Variants in ZHX3 observed in about 807,000 individuals in gnomAD.
ZHX3 encodes zinc fingers and homeoboxes protein 3.
A neutral mutation model predicts 64.5 loss-of-function variants in ZHX3; 20 were observed. The observed-to-expected ratio is 0.31, with a 90% CI of 0.22 to 0.45. ZHX3 has a LOEUF of 0.45. Ranked by LOEUF, ZHX3 falls within the 20% of genes least tolerant of loss-of-function variation. The pLI, the probability that ZHX3 is intolerant of heterozygous loss-of-function variation, is 1.00. For missense variants in ZHX3, 1,041 were observed against 1,195.8 expected, an observed-to-expected ratio of 0.87 and a Z score of 1.91; for synonymous variants, 423 against 461.6, an observed-to-expected ratio of 0.92 and a Z score of 1.07.
intron 2 of ZHX3, among the ~76,000 whole-genome samples, chr20:41,211,660 A>T (rs901976012): frequency 6.6e-6 from 1 of 152,208 alleles, no homozygotes; most frequent in African/African-American, 2.4e-5. Flanking sequence ...AAGCTTCATA[A>T]GTTTAACATT....
At chr20:41,281,993 G>C (rs2043701303) in intron 1 of ZHX3, among the ~76,000 whole-genome samples, 2 of 152,182 alleles carry the variant, frequency 1.3e-5, no homozygotes, top group South Asian at 4.1e-4. Flanking sequence ...GATTCCCTAT[G>C]TGTTACAGGT....
At chr20:41,265,271 TG>T (rs1268810007) in intron 2 of ZHX3, among the ~76,000 whole-genome samples, 1 of 151,878 alleles carries the variant, frequency 6.6e-6, no homozygotes, top group East Asian at 1.9e-4. Context: ...GATACAATCT[TG>T]GCTCACCGCA....
chr20:41,310,494 A>G (rs921261636), intron 1 of ZHX3, among the ~76,000 whole-genome samples: 2 of 152,196 alleles, frequency 1.3e-5, no homozygotes, highest in Admixed American at 1.3e-4. Flanking sequence ...TGTCAAGCCC[A>G]TTATGCTTAA....
chr20:41,257,326 T>C (rs996214106), intron 2 of ZHX3, among the ~76,000 whole-genome samples: 36 of 152,202 alleles, frequency 2.4e-4, no homozygotes, highest in African/African-American at 8.7e-4. Context: ...TCTGCTATCA[T>C]AGCCTCATAA....
At chr20:41,225,119 C>G (rs1379598606) in intron 2 of ZHX3, among the ~76,000 whole-genome samples, 1 of 152,230 alleles carries the variant, frequency 6.6e-6, no homozygotes, top group Non-Finnish European at 1.5e-5. Flanking sequence ...AGACAGAGCC[C>G]TAACACTGTG....
chr20:41,214,329 A>G (rs1160892838), intron 2 of ZHX3, among the ~76,000 whole-genome samples: 1 of 152,162 alleles, frequency 6.6e-6, no homozygotes, highest in Non-Finnish European at 1.5e-5. Flanking sequence ...AATTATTCTC[A>G]TTTTACAGAC....
chr20:41,247,260 C>T (rs375881328), intron 2 of ZHX3, among the ~76,000 whole-genome samples: 1 of 152,048 alleles, frequency 6.6e-6, no homozygotes, highest in African/African-American at 2.4e-5. Context: ...AGAGGGAGAA[C>T]CTGTTTCAAA....
At position 41,201,958 on chromosome 20, in the gene ZHX3, A is replaced by G; in HGVS notation, c.2860+99T>C. ...TAATGCTGCTGCCAGGCAGCCTTAG[A>G]GACAGCAGATGCCCCTGTGCAGTAA... On this transcript the variant is annotated intron_variant, in intron 3 of 3. Transcript: ENST00000683867. This position sits in a 1 kb window ranked among gnomAD's most constrained non-coding sequence, Gnocchi z 5.0. 1 of 1,414,440 alleles carries G rather than the reference A, an allele frequency of 7.1e-7. No homozygotes were observed. The highest frequency in any genetic ancestry group is 1.5e-5 in the South Asian group (1 of 66,666). The allele number at this position is 1,414,440 out of a possible 1,614,324, so 87.6% of individuals were successfully genotyped here.
intron 2 of ZHX3, among the ~76,000 whole-genome samples, chr20:41,237,382 G>C (rs1003529476): frequency 5.3e-5 from 8 of 152,180 alleles, no homozygotes; most frequent in African/African-American, 1.9e-4. Flanking sequence ...AACAAAGATA[G>C]ACTGGATTAA....
At chr20:41,266,052 G>A (rs149417508) in intron 2 of ZHX3, among the ~76,000 whole-genome samples, 82 of 152,318 alleles carry the variant, frequency 5.4e-4, no homozygotes, top group Middle Eastern at 6.8e-3. Flanking sequence ...GGATTTCATA[G>A]AGGCCGAGGT....
chr20:41,204,995 G>A lies in ZHX3; in HGVS notation c.-79C>T. 7.0e-7 allele frequency: 1 copy of A among 1,423,684 alleles called. No individual in the cohort carries two copies. Among genetic ancestry groups the A allele is most frequent in the Non-Finnish European group, 9.2e-7 (1 of 1,087,190 alleles). 88.2% of individuals were successfully genotyped at this position (1,423,684 alleles called of 1,614,324 possible). On this transcript the variant is annotated 5_prime_UTR_variant, in exon 3 of 4. Coordinates refer to ENST00000683867, the MANE Select transcript of ZHX3 (RefSeq NM_001384317.1). The surrounding 1 kb of genome is among the most constrained non-coding windows in gnomAD (Gnocchi z 6.6). ...ACAATACAAGTTCCAGCTTCTCGATGAGGGCCAAAGAAACAGTTTCTAAAT... is the reference window on the plus strand; with the variant it reads ...ACAATACAAGTTCCAGCTTCTCGATAAGGGCCAAAGAAACAGTTTCTAAAT...
chr20:41,295,444 T>C (rs1229524020), intron 1 of ZHX3, among the ~76,000 whole-genome samples: 1 of 152,128 alleles, frequency 6.6e-6, no homozygotes, highest in Non-Finnish European at 1.5e-5. Context: ...CATATAAAAT[T>C]ATGCATGCAT....
At chr20:41,196,852 G>A (rs564532587) in intron 3 of ZHX3, 18 of 168,498 alleles carry the variant, frequency 1.1e-4, no homozygotes, top group African/African-American at 3.2e-4. Context: ...TGACTCTGAA[G>A]ACAGCCTCAA....
intron 2 of ZHX3, among the ~76,000 whole-genome samples, chr20:41,258,747 G>A (rs2042400271): frequency 6.6e-6 from 1 of 152,132 alleles, no homozygotes; most frequent in African/African-American, 2.4e-5. Context: ...GGTGGTTTCT[G>A]CTGGGTTTTT....
chr20:41,184,833 TA>T lies in ZHX3; in HGVS notation c.*357del. 1 of 1,412,990 alleles carries T rather than the reference TA, an allele frequency of 7.1e-7. No individual in the cohort carries two copies. Among genetic ancestry groups the T allele is most frequent in the South Asian group, 1.5e-5 (1 of 68,682 alleles). 87.5% of individuals were successfully genotyped at this position (1,412,990 alleles called of 1,614,324 possible). ...AGTTTCTACGTAATGACAGTGTTGATAATCTGATGTTTTATTTAACATATAG... is the reference window on the plus strand; with the variant it reads ...AGTTTCTACGTAATGACAGTGTTGATATCTGATGTTTTATTTAACATATAG... On this transcript the variant is annotated 3_prime_UTR_variant, in exon 4 of 4. Transcript: ENST00000683867.
At chr20:41,210,030 C>G (rs1373825397) in intron 2 of ZHX3, among the ~76,000 whole-genome samples, 1 of 152,066 alleles carries the variant, frequency 6.6e-6, no homozygotes, top group African/African-American at 2.4e-5. Flanking sequence ...TCAACAAGTG[C>G]ACAAAGGATA....
At chr20:41,277,800 C>T (rs1390077492) in intron 1 of ZHX3, among the ~76,000 whole-genome samples, 2 of 136,672 alleles carry the variant, frequency 1.5e-5, no homozygotes, top group Non-Finnish European at 3.2e-5. Context: ...ACCATGTTAG[C>T]CAGGATGGTC....
At chr20:41,255,483 C>T (rs2042200884) in intron 2 of ZHX3, among the ~76,000 whole-genome samples, 1 of 152,126 alleles carries the variant, frequency 6.6e-6, no homozygotes, top group Non-Finnish European at 1.5e-5. Flanking sequence ...CCACCAGGTT[C>T]GTAGAGCTAA....
intron 1 of ZHX3, 29 bp downstream of exon 1, chr20:41,317,480 G>C (rs1328086913): frequency 6.6e-6 from 1 of 150,996 alleles, no homozygotes; most frequent in East Asian, 1.9e-4. Context: ...GGGGGCACGC[G>C]GGGCCGGCTG....
Sources: allele counts gnomAD v4.1 joint callset (sites outside exome capture counted in the v4.1 genomes callset), GRCh38; gene constraint gnomAD v4.1.1; non-coding constraint Gnocchi (gnomAD v3.1); transcripts MANE v1.5; gene names NCBI Gene and HGNC (gene_info 2026-07-23, HGNC 2026-07-21).